The following SNX14 variants were observed in gnomAD, a reference collection of about 807,000 sequenced individuals.
The protein encoded by SNX14 is sorting nexin 14.
A neutral mutation model predicts 133.8 loss-of-function variants in SNX14; 93 were observed. The observed-to-expected ratio is 0.70, with a 90% CI of 0.59 to 0.83. The LOEUF is 0.83. Ranked by LOEUF, SNX14 falls within the 40% of genes least tolerant of loss-of-function variation. The pLI, the probability that SNX14 is intolerant of heterozygous loss-of-function variation, is 0.00. For missense variants in SNX14, 945 were observed against 1,094.9 expected, an observed-to-expected ratio of 0.86 and a Z score of 1.93; for synonymous variants, 368 against 365.6, an observed-to-expected ratio of 1.01 and a Z score of -0.07.
At chr6:85,549,286 C>T (rs920898330) in intron 8 of SNX14, among the ~76,000 whole-genome samples, 21 of 151,976 alleles carry the variant, frequency 1.4e-4, no homozygotes, top group Non-Finnish European at 2.8e-4. Flanking sequence ...ATGCTCCAGC[C>T]AGAAAAAGGG....
At chr6:85,589,073 T>C (rs756225839) in intron 1 of SNX14, 3 of 358,014 alleles carry the variant, frequency 8.4e-6, no homozygotes, top group Non-Finnish European at 1.6e-5. Flanking sequence ...CTAAAAACAT[T>C]TTTATATAGT....
In SNX14 at chr6:85,547,135, A is replaced by G. The variant is rs1785882065; in HGVS notation, c.1085T>C (p.Val362Ala). ...NFLKQEGAVHVLQFCLTVEEF... is the reference protein window; with the variant it reads ...NFLKQEGAVHALQFCLTVEEF... Reference sequence around the variant, plus strand: ...ACCCACAGTCAAACAAAACTGCAACACGTGCACTGCGCCTTCTTGTTTCAG... The same window carrying G: ...ACCCACAGTCAAACAAAACTGCAACGCGTGCACTGCGCCTTCTTGTTTCAG... The change falls in exon 12 of 29, where the codon GTG becomes GCG. Residue 362 changes from valine to alanine, a missense_variant. By Grantham distance (64) the Val-to-Ala change is moderately conservative. Around this residue, in one of 3 missense-constraint regions of SNX14, gnomAD observed 514 missense variants for 538.8 expected, o/e 0.95. Transcript: ENST00000314673. 1 of 1,613,932 alleles carries G rather than the reference A, an allele frequency of 6.2e-7. No individual in the cohort carries two copies. Among genetic ancestry groups the G allele is most frequent in the African/African-American group, 1.3e-5 (1 of 75,030 alleles).
chr6:85,541,943 T>C (rs1480170073), intron 15 of SNX14, 42 bp downstream of exon 15: 4 of 1,450,886 alleles, frequency 2.8e-6, no homozygotes, highest in Non-Finnish European at 3.8e-6. Flanking sequence ...TATCATAGAA[T>C]GACTGGCATC....
intron 20 of SNX14, 64 bp downstream of exon 20, chr6:85,528,198 A>G: frequency 1.7e-6 from 2 of 1,158,426 alleles, no homozygotes; most frequent in Non-Finnish European, 1.3e-6. Context: ...CACAAGAGAA[A>G]AAGAGACAAA....
Position 85,542,008 on chromosome 6 carries a change from TG to T in SNX14, c.1424del (p.Pro475GlnfsTer7). The T allele has an allele frequency of 1.3e-6, 2 of 1,595,038 alleles. No homozygotes were observed. Among genetic ancestry groups the T allele is most frequent in the East Asian group, 2.3e-5 (1 of 44,070 alleles). ...FRQLLRGAES[P>X]TRNSKLNRGS... is the part of the protein sequence containing the mutation. ...ACCTGTTCAATTTTGAATTGCGTGT[TG>T]GTGATTCTGCACCTCTTAAAAGTTG... On this transcript the variant is annotated frameshift_variant, in exon 15 of 29. Transcript: ENST00000314673. LOFTEE classifies it high-confidence loss of function.
intron 18 of SNX14, among the ~76,000 whole-genome samples, chr6:85,532,130 A>T (rs2127999212): frequency 6.6e-6 from 1 of 152,326 alleles, no homozygotes; most frequent in South Asian, 2.1e-4. Context: ...TTTATGTTAA[A>T]TGATTAACCT....
At chr6:85,545,447 G>A (rs899742208) in intron 12 of SNX14, among the ~76,000 whole-genome samples, 4 of 151,952 alleles carry the variant, frequency 2.6e-5, no homozygotes, top group African/African-American at 9.7e-5. Context: ...GATAGAAAAA[G>A]ATATACAAAT....
At chr6:85,509,480 A>T (rs1412271733) in intron 26 of SNX14, among the ~76,000 whole-genome samples, 2 of 120,980 alleles carry the variant, frequency 1.7e-5, no homozygotes, top group Non-Finnish European at 3.6e-5. Flanking sequence ...CTCAATATTA[A>T]GAATTCTCTA....
intron 12 of SNX14, 50 bp downstream of exon 12, chr6:85,547,062 C>T (rs200876688): frequency 2.3e-6 from 3 of 1,304,332 alleles, no homozygotes; most frequent in Non-Finnish European, 3.2e-6. Flanking sequence ...TATTCAAATA[C>T]ATTAAAAGGT....
intron 1 of SNX14, among the ~76,000 whole-genome samples, chr6:85,591,987 T>C (rs1802908924): frequency 6.6e-6 from 1 of 152,240 alleles, no homozygotes; most frequent in South Asian, 2.1e-4. Context: ...CACTCCAGCC[T>C]GGGCAAGAGA....
intron 12 of SNX14, among the ~76,000 whole-genome samples, chr6:85,546,158 AGGGGAAAGAGT>A (rs1785412654): frequency 6.6e-6 from 1 of 152,210 alleles, no homozygotes; most frequent in Admixed American, 6.5e-5. Context: ...TGGCAGGAGT[AGGGGAAAGAGT>A]GGATCTCTTG....
chr6:85,510,036 A>T (rs947960505), intron 26 of SNX14, among the ~76,000 whole-genome samples: 1 of 152,146 alleles, frequency 6.6e-6, no homozygotes, highest in Non-Finnish European at 1.5e-5. Flanking sequence ...TTATTTATCC[A>T]TTCACCTAAA....
chr6:85,558,498 C>T (rs958517994), intron 6 of SNX14, among the ~76,000 whole-genome samples: 3 of 152,158 alleles, frequency 2.0e-5, no homozygotes, highest in South Asian at 2.1e-4. Context: ...CAGGGTCTCA[C>T]AGCAGCTGCC....
chr6:85,551,257 C>G (rs919387604), intron 7 of SNX14, among the ~76,000 whole-genome samples: 8 of 152,190 alleles, frequency 5.3e-5, no homozygotes, highest in African/African-American at 2.4e-5. Flanking sequence ...ACTCTGTGTT[C>G]TCAGAAAGAT....
intron 21 of SNX14, among the ~76,000 whole-genome samples, chr6:85,520,815 T>G (rs1776622309): frequency 6.6e-6 from 1 of 152,232 alleles, no homozygotes; most frequent in African/African-American, 2.4e-5. Context: ...AGTAGCCTCA[T>G]GATATGGGTA....
chr6:85,593,837 C>A lies in SNX14; in HGVS notation c.-119G>T. On this transcript the variant is annotated 5_prime_UTR_variant, in exon 1 of 29. Coordinates refer to ENST00000314673, the MANE Select transcript of SNX14 (RefSeq NM_153816.6). ...GGCGGCGCACACAGACGCCTACCGG[C>A]AGTTAGCCGCCGCAGGCTGAGGTCG... 1.3e-6 allele frequency: 2 copies of A among 1,524,482 alleles called. No individual in the cohort carries two copies. Among genetic ancestry groups the A allele is most frequent in the South Asian group, 1.2e-5 (1 of 84,446 alleles). The allele number at this position is 1,524,482 out of a possible 1,614,324, so 94.4% of individuals were successfully genotyped here. A position where few individuals can be genotyped will look rare whatever the true frequency, so the allele number is the denominator to read the frequency against.
Position 85,543,649 on chromosome 6 carries a change from T to C in SNX14, c.1220A>G (p.Asp407Gly), listed in dbSNP as rs759965858. 1.3e-6 allele frequency: 2 copies of C among 1,588,258 alleles called. No individual in the cohort carries two copies. Among genetic ancestry groups the C allele is most frequent in the South Asian group, 2.3e-5 (2 of 86,786 alleles). ...AATGAAGGGATCAAATCTAATTTTG[T>C]CAATACTTTCATCCAAACAGTATGT... ...YKTYCLDESI[D>G]KIRFDPFIVE... Residue 407 changes from aspartate (D) to glycine (G), a missense_variant, in exon 13 of 29, where the codon GAC (aspartate) becomes GGC (glycine). Coordinates refer to ENST00000314673, the MANE Select transcript of SNX14 (RefSeq NM_153816.6).
chr6:85,510,448 A>G (rs1429091043), intron 26 of SNX14, among the ~76,000 whole-genome samples: 1 of 152,282 alleles, frequency 6.6e-6, no homozygotes, highest in African/African-American at 2.4e-5. Context: ...ATATTTGGCC[A>G]ATTTTAAAAT....
At position 85,528,354 on chromosome 6, in the gene SNX14, G is replaced by A. The variant is rs1179888885; in HGVS notation, c.1903C>T (p.Pro635Ser). 4 of 1,611,104 alleles carry A rather than the reference G, an allele frequency of 2.5e-6. 1 individual carries two copies. Among genetic ancestry groups the A allele is most frequent in the Non-Finnish European group, 3.4e-6 (4 of 1,178,416 alleles). The change falls in exon 20 of 29, where the codon CCT becomes TCT. Residue 635 changes from proline to serine, a missense_variant. This residue lies in a region of SNX14 where 412 missense variants were observed against 516.6 expected (regional missense o/e 0.80). Transcript: ENST00000314673. ...SKLTEFHGAFPDAQLPSKRII... is the reference protein window; with the variant it reads ...SKLTEFHGAFSDAQLPSKRII... ...CTCTTAGAAGGAAGCTGGGCATCAG[G>A]AAATGCACCTGAAATTAGTATATAT...
Sources: allele counts gnomAD v4.1 joint callset (sites outside exome capture counted in the v4.1 genomes callset), GRCh38; gene constraint gnomAD v4.1.1; regional missense constraint gnomAD v4.1.1; transcripts MANE v1.5; gene names NCBI Gene and HGNC (gene_info 2026-07-23, HGNC 2026-07-21).